The following ROCK1 variants were observed in gnomAD, a reference collection of about 807,000 sequenced individuals.
ROCK1 encodes the protein Rho associated coiled-coil containing protein kinase 1, also known as rho-associated protein kinase 1.
ROCK1 carries 36 observed loss-of-function variants against 196.8 expected under a neutral mutation model. The observed-to-expected ratio is 0.18, with a 90% CI of 0.14 to 0.24. The LOEUF is 0.24. Among genes scored for constraint, ROCK1 ranks in the 10% least tolerant of loss-of-function variants. The pLI, the probability that ROCK1 is intolerant of heterozygous loss-of-function variation, is 1.00. For synonymous variants in ROCK1, 443 were observed against 515.9 expected, an observed-to-expected ratio of 0.86 and a Z score of 1.91; for missense variants, 920 against 1,562.0, an observed-to-expected ratio of 0.59 and a Z score of 6.93.
At position 21,045,140 on chromosome 18, in the gene ROCK1, C is replaced by T. The variant is rs574954783; in HGVS notation, c.590+152G>A. On this transcript the variant is annotated intron_variant, in intron 5 of 32. Coordinates refer to ENST00000399799, the MANE Select transcript of ROCK1 (RefSeq NM_005406.3). The stretch of plus-strand genomic sequence containing the variant: ...CCTCCCAAAGCTCTGGGATTACAGG[C>T]GTGAGGCAGCGCCTGGCCAGAGTCT... 5.5e-4 allele frequency: 320 copies of T among 580,212 alleles called. 1 individual carries two copies. The highest frequency in any genetic ancestry group is 6.3e-4 in the Non-Finnish European group (227 of 359,126). The allele number at this position is 580,212 out of a possible 1,614,324, so 35.9% of individuals were successfully genotyped here. A position where few individuals can be genotyped will look rare whatever the true frequency, so the allele number is the denominator to read the frequency against.
Position 20,949,290 on chromosome 18 carries a change from G to T in ROCK1, c.*2094C>A, listed in dbSNP as rs2035159285. The T allele has an allele frequency of 6.6e-6, 1 of 152,208 alleles. No individual in the cohort carries two copies. The highest frequency in any genetic ancestry group is 2.1e-4 in the South Asian group (1 of 4,820). The allele number at this position is 152,208 out of a possible 1,614,324, so 9.4% of individuals were successfully genotyped here. On this transcript the variant is annotated 3_prime_UTR_variant, in exon 33 of 33. Coordinates refer to ENST00000399799, the MANE Select transcript of ROCK1 (RefSeq NM_005406.3). ...ACTGTGCTGAGATTTTATCCTGTTT[G>T]CATGCTGCCAGTCACAGTTTCATGG...
At chr18:20,976,831 ATCT>A (rs1343646472) in intron 22 of ROCK1, among the ~76,000 whole-genome samples, 4 of 152,092 alleles carry the variant, frequency 2.6e-5, no homozygotes. Context: ...AATTAAAATA[ATCT>A]TCTCTCCTCT....
At chr18:21,067,970 C>G (rs1329324114) in intron 2 of ROCK1, among the ~76,000 whole-genome samples, 1 of 152,148 alleles carries the variant, frequency 6.6e-6, no homozygotes, top group Non-Finnish European at 1.5e-5. Flanking sequence ...GTTGAAAGGA[C>G]TATTCTTTCT....
intron 1 of ROCK1, among the ~76,000 whole-genome samples, chr18:21,092,148 T>C (rs1452272668): frequency 6.6e-6 from 1 of 152,154 alleles, no homozygotes; most frequent in Non-Finnish European, 1.5e-5. Flanking sequence ...CTTCATAAAT[T>C]ACTAAACAGC....
intron 17 of ROCK1, 62 bp downstream of exon 17, chr18:20,992,769 A>G (rs1383390294): frequency 3.2e-6 from 3 of 951,226 alleles, no homozygotes; most frequent in Non-Finnish European, 4.9e-6. Flanking sequence ...AAAACCACCT[A>G]GTAGTCTATG....
chr18:21,103,513 C>T (rs1242035044), intron 1 of ROCK1, among the ~76,000 whole-genome samples: 3 of 151,528 alleles, frequency 2.0e-5, no homozygotes, highest in Non-Finnish European at 4.4e-5. Flanking sequence ...GGCTAGAGTG[C>T]CGTGGCACCA....
chr18:20,976,641 A>T (rs1346537855), intron 22 of ROCK1, among the ~76,000 whole-genome samples: 1 of 152,220 alleles, frequency 6.6e-6, no homozygotes, highest in Non-Finnish European at 1.5e-5. Context: ...TGAGTTTATA[A>T]ACTCTGAGAT....
intron 11 of ROCK1, among the ~76,000 whole-genome samples, chr18:21,022,344 C>G (rs2035920598): frequency 6.6e-6 from 1 of 152,094 alleles, no homozygotes; most frequent in Non-Finnish European, 1.5e-5. Flanking sequence ...AGAAAGAACT[C>G]AACTAAAATG....
intron 11 of ROCK1, 111 bp from the exon 12 acceptor site, chr18:21,020,350 A>T (rs1222410394): frequency 1.9e-6 from 1 of 512,864 alleles, no homozygotes; most frequent in Non-Finnish European, 3.3e-6. Context: ...ATTTAATTTA[A>T]TCTTACCTCT....
intron 2 of ROCK1, among the ~76,000 whole-genome samples, chr18:21,067,634 G>A (rs1262929935): frequency 6.6e-6 from 1 of 152,070 alleles, no homozygotes; most frequent in Non-Finnish European, 1.5e-5. Flanking sequence ...TGATCTGCCC[G>A]CCTCAGCCTC....
chr18:21,077,224 C>T (rs1216897236), intron 1 of ROCK1, among the ~76,000 whole-genome samples: 4 of 151,942 alleles, frequency 2.6e-5, no homozygotes, highest in African/African-American at 9.7e-5. Flanking sequence ...CCACCCGCCT[C>T]GGCCTCCCAA....
intron 16 of ROCK1, among the ~76,000 whole-genome samples, chr18:21,003,078 T>G (rs1409489899): frequency 2.0e-5 from 3 of 152,150 alleles, no homozygotes; most frequent in African/African-American, 4.8e-5. Context: ...ACCTAAATAC[T>G]ACTTACAAGT....
At chr18:20,989,485 T>C (rs1373299457) in intron 18 of ROCK1, among the ~76,000 whole-genome samples, 3 of 152,206 alleles carry the variant, frequency 2.0e-5, no homozygotes, top group Non-Finnish European at 2.9e-5. Flanking sequence ...GAAAAGACTT[T>C]TAGAAGTTTG....
At chr18:20,977,630 T>C (rs547906269) in intron 22 of ROCK1, among the ~76,000 whole-genome samples, 51 of 152,336 alleles carry the variant, frequency 3.3e-4, no homozygotes, top group African/African-American at 1.2e-3. Flanking sequence ...ACAGTACTTA[T>C]AGCACAATAC....
chr18:21,078,373 C>CACAGAGAG (rs1491188980), intron 1 of ROCK1, among the ~76,000 whole-genome samples: 45 of 66,222 alleles, frequency 6.8e-4, no homozygotes, highest in African/African-American at 1.5e-3. Flanking sequence ...CACACACACA[C>CACAGAGAG]AGAGAGAGAG....
intron 16 of ROCK1, among the ~76,000 whole-genome samples, chr18:21,000,350 C>T (rs1371007097): frequency 6.6e-6 from 1 of 151,994 alleles, no homozygotes; most frequent in African/African-American, 2.4e-5. Context: ...GCAACCGCTG[C>T]CTCCCAGGCT....
intron 9 of ROCK1, among the ~76,000 whole-genome samples, chr18:21,030,620 A>C (rs980289062): frequency 6.6e-6 from 1 of 152,210 alleles, no homozygotes; most frequent in Non-Finnish European, 1.5e-5. Flanking sequence ...TGGGGAAAAT[A>C]TTGGAAGAGT....
chr18:21,042,359 C>T, intron 7 of ROCK1, 124 bp from the exon 8 acceptor site: 2 of 992,614 alleles, frequency 2.0e-6, no homozygotes, highest in South Asian at 1.8e-5. Flanking sequence ...TAAAAACATA[C>T]ACCTAATATA....
At chr18:20,998,745 T>C (rs753997079) in intron 16 of ROCK1, among the ~76,000 whole-genome samples, 26 of 151,730 alleles carry the variant, frequency 1.7e-4, no homozygotes, top group Non-Finnish European at 1.6e-4. Flanking sequence ...GCTGGGATTA[T>C]AGACATGCAC....
Sources: allele counts gnomAD v4.1 joint callset (sites outside exome capture counted in the v4.1 genomes callset), GRCh38; gene constraint gnomAD v4.1.1; transcripts MANE v1.5; gene names NCBI Gene and HGNC (gene_info 2026-07-23, HGNC 2026-07-21).